The following KIF1A variants were observed in gnomAD, a reference collection of about 807,000 sequenced individuals.
The protein encoded by KIF1A is kinesin family member 1A, also known as kinesin-like protein KIF1A.
In KIF1A, 46 loss-of-function variants were observed where a neutral mutation model predicts 227.3. The observed-to-expected ratio is 0.20, with a 90% CI of 0.16 to 0.26. KIF1A has a LOEUF of 0.26. KIF1A is among the 10% of genes least tolerant of loss of function. The pLI is 1.00. For synonymous variants in KIF1A, 1,022 were observed against 1,012.8 expected (o/e 1.01, Z -0.17); for missense variants, 1,683 against 2,485.9 (o/e 0.68, Z 6.87).
chr2:240,779,663 C>T (rs1044363703), intron 10 of KIF1A, among the ~76,000 whole-genome samples: 10 of 152,034 alleles, frequency 6.6e-5, no homozygotes. Context: ...CACAGTTCCA[C>T]ACTCAGTTCC....
In KIF1A at chr2:240,752,012, G is replaced by A. The variant is rs1019331762; in HGVS notation, c.2859-1465C>T. On this transcript the variant is annotated intron_variant, in intron 27 of 48. Coordinates refer to ENST00000498729, the MANE Select transcript of KIF1A (RefSeq NM_001244008.2). The surrounding 1 kb of genome is among the most constrained non-coding windows in gnomAD (Gnocchi z 6.4). ...CCTGCTAAGCTGAGACCTCACCAAC[G>A]CCCTCACTGCAAAATGGCCCAGGCT... 8.6e-5 allele frequency among the ~76,000 whole-genome samples: 13 copies of A among 151,920 alleles called. No homozygotes were observed. The highest frequency in any genetic ancestry group is 2.4e-4 in the African/African-American group (10 of 41,348).
chr2:240,814,405 G>C (rs1217952713), intron 1 of KIF1A, among the ~76,000 whole-genome samples: 1 of 152,034 alleles, frequency 6.6e-6, no homozygotes, highest in Non-Finnish European at 1.5e-5. Flanking sequence ...AAGTACCCCA[G>C]ACACTACCAC....
rs981845446 is a variant in KIF1A at position 240,775,798 on chromosome 2, C to T, written c.958+53G>A. ...ACCCCCTCAGTGGGGAAGAAGGGCA[C>T]AGCCCAGGGTGGGATCAGAGCCCTG... is the stretch of plus-strand genomic sequence containing the variant. On this transcript the variant is annotated intron_variant, in intron 11 of 48. Transcript: ENST00000498729. This position sits in a 1 kb window ranked among gnomAD's most constrained non-coding sequence, Gnocchi z 5.5. 8.1e-7 allele frequency: 1 copy of T among 1,232,316 alleles called. No homozygotes were observed. Among genetic ancestry groups the T allele is most frequent in the South Asian group, 1.2e-5 (1 of 83,000 alleles). 76.3% of individuals were successfully genotyped at this position (1,232,316 alleles called of 1,614,324 possible). A position where few individuals can be genotyped will look rare whatever the true frequency, so the allele number is the denominator to read the frequency against.
Position 240,788,247 on chromosome 2 carries a change from G to A in KIF1A, c.184-17C>T. The stretch of plus-strand genomic sequence containing the variant: ...GTCCTCAGGCTGGAGGACGAGGAAG[G>A]AATGAAGTTGCAGGAGGCTGGGTGC... On this transcript the variant is annotated splice_polypyrimidine_tract_variant and intron_variant, in intron 3 of 48. Coordinates refer to ENST00000498729, the MANE Select transcript of KIF1A (RefSeq NM_001244008.2). This position sits in a 1 kb window ranked among gnomAD's most constrained non-coding sequence, Gnocchi z 6.6. 1 of 1,612,638 alleles carries A rather than the reference G, an allele frequency of 6.2e-7. No homozygotes were observed. Among genetic ancestry groups the A allele is most frequent in the South Asian group, 1.1e-5 (1 of 90,802 alleles).
intron 6 of KIF1A, among the ~76,000 whole-genome samples, chr2:240,785,848 C>A (rs1019024477): frequency 6.6e-6 from 1 of 152,172 alleles, no homozygotes; most frequent in African/African-American, 2.4e-5. Context: ...CAGGAAGTCC[C>A]GGGTGGCAGA....
intron 10 of KIF1A, among the ~76,000 whole-genome samples, chr2:240,777,794 C>T (rs1057324381): frequency 2.0e-5 from 3 of 152,226 alleles, no homozygotes; most frequent in Non-Finnish European, 2.9e-5. Flanking sequence ...CTGCCGGCCT[C>T]GCCTCCCTGC....
intron 28 of KIF1A, 37 bp downstream of exon 28, chr2:240,750,392 G>C: frequency 6.6e-7 from 1 of 1,504,184 alleles, no homozygotes; most frequent in Non-Finnish European, 9.2e-7. Context: ...AGCCCCAGGG[G>C]CTCCAATGCC....
chr2:240,760,070 G>A (rs971680238), intron 25 of KIF1A, among the ~76,000 whole-genome samples: 2 of 151,958 alleles, frequency 1.3e-5, no homozygotes, highest in African/African-American at 4.8e-5. Context: ...GTGAGCATGT[G>A]GGGACAGCAG....
At chr2:240,767,157 A>C (rs2051309760) in intron 18 of KIF1A, 109 bp downstream of exon 18, 1 of 1,128,456 alleles carries the variant, frequency 8.9e-7, no homozygotes, top group Admixed American at 2.0e-5. Context: ...TCGCTGGGGA[A>C]GTCCAAACTC....
intron 10 of KIF1A, among the ~76,000 whole-genome samples, chr2:240,781,587 C>T (rs2054021076): frequency 6.6e-6 from 1 of 152,162 alleles, no homozygotes; most frequent in Admixed American, 6.5e-5. Flanking sequence ...CCGCCCACGC[C>T]ATTCCCCAGC....
rs1201455112 is a variant in KIF1A at position 240,757,041 on chromosome 2, T to C, written c.2858+278A>G. The stretch of plus-strand genomic sequence containing the variant: ...AGTCCCACCTGCCTGGGGCCACAGC[T>C]GCAAGCTCCGGGGTGCACTACCTCT... On this transcript the variant is annotated intron_variant, in intron 27 of 48. Coordinates refer to ENST00000498729, the MANE Select transcript of KIF1A (RefSeq NM_001244008.2). The surrounding 1 kb of genome is among the most constrained non-coding windows in gnomAD (Gnocchi z 6.2). 1.3e-5 allele frequency among the ~76,000 whole-genome samples: 2 copies of C among 152,206 alleles called. No individual in the cohort carries two copies. Among genetic ancestry groups the C allele is most frequent in the Admixed American group, 1.3e-4 (2 of 15,286 alleles).
At chr2:240,772,989 G>T in intron 13 of KIF1A, 125 bp downstream of exon 13, 1 of 1,038,280 alleles carries the variant, frequency 9.6e-7, no homozygotes. Context: ...GCGGTGTGGA[G>T]CTGCCACAGC....
chr2:240,730,835 T>C lies in KIF1A; in HGVS notation c.4008-3895A>G, dbSNP rs567418172. Among the ~76,000 whole-genome samples, 8 of 152,314 alleles carry C rather than the reference T, an allele frequency of 5.3e-5. No homozygotes were observed. In the East Asian group the frequency reaches 7.7e-4, roughly 15 times the overall value. On this transcript the variant is annotated intron_variant, in intron 38 of 48. Coordinates refer to ENST00000498729, the MANE Select transcript of KIF1A (RefSeq NM_001244008.2). ...ATCTGTCTCTGGGATGAAAGCTGGA[T>C]GCAGCATTCGCACAGGGCCCAGCCA...
chr2:240,722,111 C>T (rs977320626), intron 43 of KIF1A, among the ~76,000 whole-genome samples: 1 of 152,220 alleles, frequency 6.6e-6, no homozygotes, highest in Admixed American at 6.5e-5. Context: ...GGGCCAGAGG[C>T]TGTGCTGCCT....
intron 1 of KIF1A, among the ~76,000 whole-genome samples, chr2:240,819,133 C>T (rs2106390095): frequency 6.6e-6 from 1 of 152,232 alleles, no homozygotes; most frequent in East Asian, 1.9e-4. Flanking sequence ...CTCCTGCGGA[C>T]CCTCCCTCCC....
intron 43 of KIF1A, 21 bp from the exon 44 acceptor site, chr2:240,721,905 TG>T (rs1559476030): frequency 4.7e-5 from 74 of 1,590,640 alleles, no homozygotes; most frequent in Non-Finnish European, 6.2e-5. Context: ...AGCACACGCG[TG>T]GTCAGGGGCC....
chr2:240,744,094 A>G (rs768615419), intron 32 of KIF1A, 34 bp from the exon 33 acceptor site: 3 of 1,397,122 alleles, frequency 2.1e-6, no homozygotes, highest in South Asian at 1.2e-5. Context: ...ACAGGAGGGC[A>G]CGGCCAGGTC....
intron 37 of KIF1A, 71 bp from the exon 38 acceptor site, chr2:240,737,239 T>TGG: frequency 1.7e-6 from 2 of 1,194,686 alleles, no homozygotes; most frequent in South Asian, 2.4e-5. Context: ...CTGCCTCAGG[T>TGG]GGGGGTCCTG....
In KIF1A at chr2:240,766,526, A is replaced by G. The variant is rs541987022; in HGVS notation, c.1684+389T>C. 2.6e-5 allele frequency among the ~76,000 whole-genome samples: 4 copies of G among 152,174 alleles called. No individual in the cohort carries two copies. Among genetic ancestry groups the G allele is most frequent in the African/African-American group, 7.2e-5 (3 of 41,518 alleles). ...ATGGCTCACTGTCCTCCCGCCATGA[A>G]CATCCTCCACCCTGGGCCCCAACAC... On this transcript the variant is annotated intron_variant, in intron 19 of 48. Transcript: ENST00000498729. The surrounding 1 kb of genome is among the most constrained non-coding windows in gnomAD (Gnocchi z 5.0).
Sources: allele counts gnomAD v4.1 joint callset (sites outside exome capture counted in the v4.1 genomes callset), GRCh38; gene constraint gnomAD v4.1.1; non-coding constraint Gnocchi (gnomAD v3.1); transcripts MANE v1.5; gene names NCBI Gene and HGNC (gene_info 2026-07-23, HGNC 2026-07-21).